The following NCOR2 variants were observed in gnomAD, a reference collection of about 807,000 sequenced individuals.
NCOR2 encodes nuclear receptor corepressor 2, also known as CTG repeat protein 26.
A neutral mutation model predicts 262.9 loss-of-function variants in NCOR2; 81 were observed. The observed-to-expected ratio is 0.31, with a 90% CI of 0.26 to 0.37. NCOR2 has a LOEUF of 0.37. Among genes scored for constraint, NCOR2 ranks in the 10% least tolerant of loss-of-function variants. The probability of loss-of-function intolerance (pLI) is 1.00; values close to 1 mark genes in which losing one functional copy is unlikely to be tolerated. For synonymous variants in NCOR2, 1,659 were observed against 1,559.3 expected (o/e 1.06, Z -1.51); for missense variants, 3,385 against 3,621.4 (o/e 0.93, Z 1.68).
At chr12:124,445,694 C>T (rs1420495092) in intron 7 of NCOR2, among the ~76,000 whole-genome samples, 1 of 152,200 alleles carries the variant, frequency 6.6e-6, no homozygotes, top group African/African-American at 2.4e-5. Flanking sequence ...TGGCGGCAGT[C>T]ACTTATCACA....
chr12:124,505,620 C>T (rs2049000546), intron 1 of NCOR2, among the ~76,000 whole-genome samples: 1 of 152,200 alleles, frequency 6.6e-6, no homozygotes, highest in African/African-American at 2.4e-5. Context: ...GCTGTGTGAC[C>T]TTGGGTGAGG....
At chr12:124,405,853 G>A (rs761186397) in intron 13 of NCOR2, among the ~76,000 whole-genome samples, 4 of 152,170 alleles carry the variant, frequency 2.6e-5, no homozygotes, top group Non-Finnish European at 5.9e-5. Flanking sequence ...GCTGGGTCTT[G>A]GGCCTGTCCA....
At chr12:124,365,422 C>T (rs1331310733) in intron 20 of NCOR2, among the ~76,000 whole-genome samples, 1 of 152,238 alleles carries the variant, frequency 6.6e-6, no homozygotes, top group Non-Finnish European at 1.5e-5. Flanking sequence ...CAGAGGCACC[C>T]ATCTCCTTCC....
chr12:124,408,360 A>T (rs563106167), intron 13 of NCOR2, among the ~76,000 whole-genome samples: 1 of 151,698 alleles, frequency 6.6e-6, no homozygotes, highest in African/African-American at 2.4e-5. Flanking sequence ...TCTCAAACAA[A>T]AATAAATAAA....
chr12:124,325,377 G>GCCT (rs762207402), exon 47 of NCOR2: 2 of 251,142 alleles, frequency 8.0e-6, no homozygotes, highest in East Asian at 6.5e-5. Flanking sequence ...ACCTGACACC[G>GCCT]CCCCCCCCCC....
intron 6 of NCOR2, among the ~76,000 whole-genome samples, chr12:124,452,283 T>G (rs1474130600): frequency 6.6e-6 from 1 of 152,212 alleles, no homozygotes; most frequent in Non-Finnish European, 1.5e-5. Flanking sequence ...AAGATGCCCA[T>G]GCTGTAACCC....
intron 13 of NCOR2, among the ~76,000 whole-genome samples, chr12:124,414,734 GGTGGGTGGGCTCAC>G (rs931887583): frequency 1.3e-5 from 2 of 152,094 alleles, no homozygotes; most frequent in African/African-American, 4.8e-5. Flanking sequence ...TACCCCTGAG[GGTGGGTGGGCTCAC>G]TGGCTGGGAA....
intron 8 of NCOR2, among the ~76,000 whole-genome samples, chr12:124,435,028 G>A (rs574530528): frequency 1.3e-5 from 2 of 152,294 alleles, no homozygotes; most frequent in South Asian, 4.2e-4. Flanking sequence ...CTAGCCTGAG[G>A]GCAGATGTTT....
In NCOR2 at chr12:124,355,530, C is replaced by T. The variant is rs199761768; in HGVS notation, c.3283G>A (p.Val1095Ile). ...GAGATGGTGGGTGGGCGCGGCAGGA[C>T]GGGCCGGGCAGTGTCATGGAGGCCC... The change falls in exon 24 of 47, where the codon GTC (valine) becomes ATC (isoleucine). Residue 1095 changes from valine (V) to isoleucine (I), a missense_variant. This residue lies in a region of NCOR2 where 1,615 missense variants were observed against 1,626.9 expected (regional missense o/e 0.99). Coordinates refer to ENST00000405201, the Ensembl canonical transcript of NCOR2. 8.1e-6 allele frequency: 13 copies of T among 1,597,534 alleles called. No individual in the cohort carries two copies. Among genetic ancestry groups the T allele is most frequent in the East Asian group, 6.7e-5 (3 of 44,696 alleles).
chr12:124,512,268 G>A (rs1480998881), intron 1 of NCOR2, among the ~76,000 whole-genome samples: 5 of 152,204 alleles, frequency 3.3e-5, no homozygotes, highest in East Asian at 1.9e-4. Flanking sequence ...AAATCAAGGC[G>A]TCAGCAGGAC....
At chr12:124,450,552 T>G (rs571383380) in intron 6 of NCOR2, among the ~76,000 whole-genome samples, 70 of 152,048 alleles carry the variant, frequency 4.6e-4, no homozygotes, top group Non-Finnish European at 6.6e-4. Flanking sequence ...AAGCTAGCCG[T>G]CCACCACCAG....
At chr12:124,402,348 T>C in intron 14 of NCOR2, 56 bp downstream of exon 16, 1 of 1,605,694 alleles carries the variant, frequency 6.2e-7, no homozygotes, top group South Asian at 1.1e-5. Flanking sequence ...CAGAACCGTG[T>C]GCCACCCGGG....
chr12:124,551,340 T>G (rs921386719), intron 1 of NCOR2, among the ~76,000 whole-genome samples: 3 of 152,032 alleles, frequency 2.0e-5, no homozygotes, highest in Non-Finnish European at 4.4e-5. Flanking sequence ...GCTCCCCCAG[T>G]AGCAAACAGG....
chr12:124,340,379 A>C, exon 36 of NCOR2: 1 of 1,612,964 alleles, frequency 6.2e-7, no homozygotes, highest in African/African-American at 1.3e-5. Context: ...CCCGCTCTCG[A>C]TCCCGGTCTC....
intron 17 of NCOR2, among the ~76,000 whole-genome samples, chr12:124,383,885 C>G (rs572684296): frequency 1.6e-4 from 25 of 152,324 alleles, no homozygotes; most frequent in African/African-American, 6.0e-4. Flanking sequence ...TCTGGTCCTC[C>G]AAGCCACTCT....
rs1269429679 is a variant in NCOR2, at chr12:124,431,154, TCA to T, written c.883-369_883-368del. Among the ~76,000 whole-genome samples, 7 of 114,618 alleles carry T rather than the reference TCA, an allele frequency of 6.1e-5. No homozygotes were observed. In the South Asian group the frequency reaches 1.9e-3, roughly 32 times the overall value. The allele number at this position is 114,618 out of a possible 152,430, so 75.2% of individuals were successfully genotyped here. ...GTCACACAGGCAGACACACATGCAGTCACAGACACACACAGATACACAAAGTC... is the reference window on the plus strand; with the variant it reads ...GTCACACAGGCAGACACACATGCAGTCAGACACACACAGATACACAAAGTC... On this transcript the variant is annotated intron_variant, in intron 8 of 46. Transcript: ENST00000405201.
intron 1 of NCOR2, among the ~76,000 whole-genome samples, chr12:124,502,435 G>A (rs984896258): frequency 6.6e-6 from 1 of 152,198 alleles, no homozygotes; most frequent in African/African-American, 2.4e-5. Flanking sequence ...CCAGGAGGCG[G>A]CAGGCAGGGA....
intron 27 of NCOR2, among the ~76,000 whole-genome samples, chr12:124,352,011 A>G (rs930144426): frequency 2.6e-5 from 4 of 152,176 alleles, no homozygotes; most frequent in African/African-American, 9.7e-5. Context: ...TGCGGAGGGC[A>G]ACAGCAAGAC....
At chr12:124,478,361 A>G (rs1156731989) in intron 3 of NCOR2, among the ~76,000 whole-genome samples, 1 of 152,218 alleles carries the variant, frequency 6.6e-6, no homozygotes, top group Non-Finnish European at 1.5e-5. Flanking sequence ...AGATAGTGCT[A>G]TTTGTGACAA....
Sources: gnomAD v4.1 joint callset for allele counts (sites outside exome capture counted in the v4.1 genomes callset) on GRCh38, gnomAD v4.1.1 for gene constraint, gnomAD v4.1.1 regional missense constraint, MANE v1.5 for transcripts, NCBI Gene and HGNC (gene_info 2026-07-23, HGNC 2026-07-21) for gene names.